The following GAS2 variants were observed in gnomAD, a reference collection of about 807,000 sequenced individuals.
GAS2 encodes growth arrest specific 2.
In GAS2, 20 loss-of-function variants were observed where a neutral mutation model predicts 37.5. The observed-to-expected ratio is 0.53, with a 90% CI of 0.37 to 0.77. The LOEUF is 0.77. Ranked by LOEUF, GAS2 falls within the 30% of genes least tolerant of loss-of-function variation. The probability of loss-of-function intolerance (pLI) is 0.00; values close to 1 mark genes in which losing one functional copy is unlikely to be tolerated. For missense variants in GAS2, 336 were observed against 373.4 expected (o/e 0.90, Z 0.82); for synonymous variants, 144 against 132.2 (o/e 1.09, Z -0.61).
Position 22,722,165 on chromosome 11 carries a change from A to G in GAS2, c.268-4127A>G, listed in dbSNP as rs1851982019. ...GGCAGTGGGTTGAATTAGTAATAAC[A>G]GCCTTTAGAGGAAAATTTAATTTTT... On this transcript the variant is annotated intron_variant, in intron 3 of 7. Transcript: ENST00000454584. 3.9e-5 allele frequency among the ~76,000 whole-genome samples: 6 copies of G among 152,104 alleles called. No individual in the cohort carries two copies. The South Asian group carries it at 1.2e-3, about 31-fold the overall frequency.
At chr11:22,653,021 T>TTCTTTCTTTCTTTCTTTCTTTCTG (rs1342926252) in intron 1 of GAS2, among the ~76,000 whole-genome samples, 1 of 147,804 alleles carries the variant, frequency 6.8e-6, no homozygotes, top group Admixed American at 6.9e-5. Flanking sequence ...CTTTCTTTCT[T>TTCTTTCTTTCTTTCTTTCTTTCTG]TCTTTCTTTC....
At chr11:22,761,429 C>T (rs1477631967) in intron 7 of GAS2, among the ~76,000 whole-genome samples, 1 of 152,106 alleles carries the variant, frequency 6.6e-6, no homozygotes, top group Non-Finnish European at 1.5e-5. Flanking sequence ...AAGTAGCAGC[C>T]AGTGGGGTCA....
At chr11:22,789,423 G>GATATATATATATATATAT (rs1491294585) in intron 7 of GAS2, among the ~76,000 whole-genome samples, 1 of 71,164 alleles carries the variant, frequency 1.4e-5, no homozygotes, top group East Asian at 3.5e-4. Context: ...TATCTCATAT[G>GATATATATATATATATAT]AGATATATAT....
chr11:22,756,411 T>G (rs1369417693), intron 7 of GAS2, among the ~76,000 whole-genome samples: 2 of 152,058 alleles, frequency 1.3e-5, no homozygotes, highest in African/African-American at 4.8e-5. Flanking sequence ...GGAACAGAGG[T>G]TGTGATGTTT....
chr11:22,766,781 C>T (rs191042988), intron 7 of GAS2, among the ~76,000 whole-genome samples: 1 of 152,138 alleles, frequency 6.6e-6, no homozygotes, highest in African/African-American at 2.4e-5. Context: ...AACTAAGGAA[C>T]ATTTACAATT....
chr11:22,738,793 C>A (rs1436689379), intron 5 of GAS2, among the ~76,000 whole-genome samples: 1 of 152,202 alleles, frequency 6.6e-6, no homozygotes. Flanking sequence ...ACCTCAAGTT[C>A]TTTAAATCAT....
At chr11:22,725,002 A>G (rs1852129010) in intron 3 of GAS2, among the ~76,000 whole-genome samples, 1 of 152,024 alleles carries the variant, frequency 6.6e-6, no homozygotes, top group African/African-American at 2.4e-5. Context: ...TGAATATAAG[A>G]AAGATTTTAT....
intron 1 of GAS2, among the ~76,000 whole-genome samples, chr11:22,650,896 T>G (rs1308175459): frequency 2.6e-5 from 4 of 150,996 alleles, no homozygotes; most frequent in Non-Finnish European, 4.5e-5. Flanking sequence ...TGTCTTTTAA[T>G]TGGAGCATTT....
intron 1 of GAS2, among the ~76,000 whole-genome samples, chr11:22,669,825 T>C (rs1031357897): frequency 3.9e-5 from 6 of 152,202 alleles, no homozygotes; most frequent in African/African-American, 1.4e-4. Context: ...GAACCCAAGG[T>C]GGAGGTCCCA....
chr11:22,719,326 T>A (rs1851837101), intron 3 of GAS2, among the ~76,000 whole-genome samples: 1 of 152,046 alleles, frequency 6.6e-6, no homozygotes, highest in African/African-American at 2.4e-5. Flanking sequence ...CTCAACCCCT[T>A]TCTCCTACCC....
intron 3 of GAS2, among the ~76,000 whole-genome samples, chr11:22,692,274 C>A (rs1413008495): frequency 6.6e-6 from 1 of 152,116 alleles, no homozygotes; most frequent in African/African-American, 2.4e-5. Context: ...CCATACATGG[C>A]ACTTGTACTT....
chr11:22,746,359 G>A (rs1378501325), intron 5 of GAS2, among the ~76,000 whole-genome samples: 9 of 152,124 alleles, frequency 5.9e-5, no homozygotes, highest in African/African-American at 2.2e-4. Context: ...GCGTTACTAG[G>A]TATATACCCA....
At chr11:22,682,428 G>A (rs190600187) in intron 2 of GAS2, among the ~76,000 whole-genome samples, 6 of 151,976 alleles carry the variant, frequency 3.9e-5, no homozygotes, top group Non-Finnish European at 8.8e-5. Flanking sequence ...TATTACAAAC[G>A]TAGAAAATCT....
At chr11:22,677,038 G>T (rs139431414) in intron 2 of GAS2, among the ~76,000 whole-genome samples, 1 of 152,246 alleles carries the variant, frequency 6.6e-6, no homozygotes, top group Non-Finnish European at 1.5e-5. Context: ...GGTACTAGAG[G>T]ATAGTGATTA....
At position 22,653,582 on chromosome 11, in the gene GAS2, T is replaced by G. The variant is rs191086030; in HGVS notation, c.-20-21268T>G. Reference sequence around the variant, plus strand: ...CATTTGGGAAATAATCCATTTATTCTTTCAATCAATACTTTTAAACCTGTA... The same window carrying G: ...CATTTGGGAAATAATCCATTTATTCGTTCAATCAATACTTTTAAACCTGTA... On this transcript the variant is annotated intron_variant, in intron 1 of 5. Coordinates refer to the GAS2 transcript ENST00000528582. Among the ~76,000 whole-genome samples, 462 of 152,352 alleles carry G rather than the reference T, an allele frequency of 3.0e-3. 1 individual carries two copies. Among genetic ancestry groups the G allele is most frequent in the African/African-American group, 0.01 (435 of 41,582 alleles).
intron 7 of GAS2, among the ~76,000 whole-genome samples, chr11:22,797,489 G>A (rs1032130270): frequency 5.9e-5 from 9 of 152,018 alleles, no homozygotes; most frequent in Admixed American, 4.6e-4. Context: ...CACTATAGTA[G>A]TTCACCCTTC....
chr11:22,641,380 G>A (rs1848628482), intron 1 of GAS2, among the ~76,000 whole-genome samples: 1 of 144,636 alleles, frequency 6.9e-6, no homozygotes, highest in Admixed American at 7.1e-5. Flanking sequence ...TAAGTTCTAG[G>A]GTACATGTGC....
intron 3 of GAS2, among the ~76,000 whole-genome samples, chr11:22,711,497 G>A (rs1356766615): frequency 6.6e-6 from 1 of 152,184 alleles, no homozygotes; most frequent in Non-Finnish European, 1.5e-5. Context: ...GGGGGAGACG[G>A]GGAAAACAGG....
chr11:22,760,579 C>A (rs1375791515), intron 7 of GAS2, among the ~76,000 whole-genome samples: 2 of 152,104 alleles, frequency 1.3e-5, no homozygotes, highest in African/African-American at 4.8e-5. Context: ...TAAAAATGAT[C>A]ATTTTGAAGA....
Sources: allele counts gnomAD v4.1 joint callset (sites outside exome capture counted in the v4.1 genomes callset), GRCh38; gene constraint gnomAD v4.1.1; transcripts MANE v1.5; gene names NCBI Gene and HGNC (gene_info 2026-07-23, HGNC 2026-07-21).